Variants in TP63 observed in about 807,000 individuals in gnomAD.
The protein encoded by TP63 is tumor protein 63.
In TP63, 17 loss-of-function variants were observed where a neutral mutation model predicts 82.8. That is an observed-to-expected ratio of 0.21 (90% CI 0.14 to 0.31). TP63 has a LOEUF of 0.31. TP63 is among the 10% of genes least tolerant of loss of function. The probability of loss-of-function intolerance (pLI) is 1.00; values close to 1 mark genes in which losing one functional copy is unlikely to be tolerated. For missense variants in TP63, 648 were observed against 895.3 expected (o/e 0.72, Z 3.52); for synonymous variants, 330 against 321.7 (o/e 1.03, Z -0.28).
intron 3 of TP63, among the ~76,000 whole-genome samples, chr3:189,742,901 T>C (rs1217423992): frequency 1.3e-5 from 2 of 152,212 alleles, no homozygotes; most frequent in African/African-American, 4.8e-5. Flanking sequence ...GTAATTTTTT[T>C]ATTTAGGCCT....
At chr3:189,865,156 G>A (rs576449134) in intron 5 of TP63, among the ~76,000 whole-genome samples, 1 of 152,196 alleles carries the variant, frequency 6.6e-6, no homozygotes, top group East Asian at 1.9e-4. Flanking sequence ...GGAAGGGTAA[G>A]AGAAAGGAGC....
chr3:189,831,807 G>A (rs1018627312), intron 4 of TP63, among the ~76,000 whole-genome samples: 1 of 142,828 alleles, frequency 7.0e-6, no homozygotes, highest in African/African-American at 2.6e-5. Context: ...TGCCATGAAA[G>A]CTATTATGCT....
At chr3:189,865,793 C>T (rs1014892488) in intron 5 of TP63, among the ~76,000 whole-genome samples, 1 of 152,192 alleles carries the variant, frequency 6.6e-6, no homozygotes, top group Non-Finnish European at 1.5e-5. Flanking sequence ...AAGAATATTG[C>T]AATATAGATA....
chr3:189,682,552 AAATATAT>A (rs1409519426), intron 1 of TP63, among the ~76,000 whole-genome samples: 2 of 24,044 alleles, frequency 8.3e-5, no homozygotes, highest in African/African-American at 4.5e-4. Flanking sequence ...AAAAAAAAAA[AAATATAT>A]ATATATATAT....
At position 189,836,883 on chromosome 3, in the gene TP63, G is replaced by T. The variant is rs376823259; in HGVS notation, c.580-27349G>T. 5.9e-5 allele frequency among the ~76,000 whole-genome samples: 9 copies of T among 152,242 alleles called. No homozygotes were observed. The South Asian group carries it at 1.0e-3, about 18-fold the overall frequency. ...GCTAATAATAATCCCTTTCTGTTTG[G>T]AAAATGTCTTATATTTTTCAAAACA... On this transcript the variant is annotated intron_variant, in intron 4 of 13. Coordinates refer to ENST00000264731, the MANE Select transcript of TP63 (RefSeq NM_003722.5).
chr3:189,637,427 A>G (rs750254378), intron 1 of TP63, among the ~76,000 whole-genome samples: 2 of 152,080 alleles, frequency 1.3e-5, no homozygotes, highest in African/African-American at 2.4e-5. Flanking sequence ...CTTTATATCA[A>G]CTTTCGGAAG....
the TP63 span, among the ~76,000 whole-genome samples, chr3:189,601,960 T>C: frequency 6.6e-6 from 1 of 152,158 alleles, no homozygotes; most frequent in African/African-American, 2.4e-5. Context: ...GCTATCTTGA[T>C]GGAAATTTAA....
rs1715741855 is a variant in TP63, at chr3:189,679,673, T to G, written c.62+48096T>G. Among the ~76,000 whole-genome samples, 3 of 152,156 alleles carry G rather than the reference T, an allele frequency of 2.0e-5. No homozygotes were observed. In the South Asian group the frequency reaches 6.2e-4, roughly 31 times the overall value. ...TGTCTACTCTGGCTTTTGTTGCCTT[T>G]GCTTTTGGTGTCACATTCAAAAAAT... On this transcript the variant is annotated intron_variant, in intron 1 of 13. Transcript: ENST00000264731.
chr3:189,662,283 CA>C (rs1310530332), intron 1 of TP63, among the ~76,000 whole-genome samples: 1 of 151,814 alleles, frequency 6.6e-6, no homozygotes, highest in Non-Finnish European at 1.5e-5. Context: ...TTATTTATTT[CA>C]AAAAAACTTT....
At chr3:189,686,486 A>G (rs1022422156) in intron 1 of TP63, among the ~76,000 whole-genome samples, 4 of 152,112 alleles carry the variant, frequency 2.6e-5, no homozygotes, top group Non-Finnish European at 4.4e-5. Context: ...TTGGCTTTCA[A>G]AAAGTGAATG....
intron 1 of TP63, among the ~76,000 whole-genome samples, chr3:189,711,870 A>T (rs1463494438): frequency 6.6e-6 from 1 of 152,116 alleles, no homozygotes; most frequent in African/African-American, 2.4e-5. Context: ...TAAGGCGGAG[A>T]TAGGTAGGCT....
intron 3 of TP63, among the ~76,000 whole-genome samples, chr3:189,804,924 T>C (rs1726726336): frequency 6.6e-6 from 1 of 152,230 alleles, no homozygotes; most frequent in East Asian, 1.9e-4. Flanking sequence ...TAGGCTGATT[T>C]CTCATCAATC....
At chr3:189,676,541 A>G (rs550305582) in intron 1 of TP63, among the ~76,000 whole-genome samples, 5 of 152,062 alleles carry the variant, frequency 3.3e-5, no homozygotes, top group African/African-American at 1.2e-4. Context: ...TATAGAATAT[A>G]TCGTGTGTGT....
At chr3:189,768,876 T>C (rs1047989349) in intron 3 of TP63, among the ~76,000 whole-genome samples, 25 of 152,122 alleles carry the variant, frequency 1.6e-4, no homozygotes, top group African/African-American at 6.0e-4. Context: ...GTAAATGACA[T>C]TTACAAGAAG....
the TP63 span, among the ~76,000 whole-genome samples, chr3:189,613,978 G>A: frequency 1.3e-5 from 2 of 152,134 alleles, no homozygotes; most frequent in Non-Finnish European, 2.9e-5. Context: ...AGGCAGAAGG[G>A]GCTTGCCTTG....
At chr3:189,861,776 A>ATGG in intron 4 of TP63, among the ~76,000 whole-genome samples, 1 of 152,212 alleles carries the variant, frequency 6.6e-6, no homozygotes, top group East Asian at 1.9e-4. Flanking sequence ...AAAAAGGTAA[A>ATGG]CATTTGCATG....
At chr3:189,709,972 G>C (rs540164172) in intron 1 of TP63, among the ~76,000 whole-genome samples, 2 of 152,050 alleles carry the variant, frequency 1.3e-5, no homozygotes, top group African/African-American at 4.8e-5. Context: ...TAAATGCTTT[G>C]AGTTATTTAA....
intron 3 of TP63, among the ~76,000 whole-genome samples, chr3:189,787,212 A>G (rs1039337142): frequency 6.6e-6 from 1 of 152,098 alleles, no homozygotes; most frequent in African/African-American, 2.4e-5. Context: ...TCACTTGTAC[A>G]ATATGAAGAT....
chr3:189,795,437 G>A (rs990446206), intron 3 of TP63, among the ~76,000 whole-genome samples: 2 of 151,908 alleles, frequency 1.3e-5, no homozygotes, highest in East Asian at 1.9e-4. Context: ...CCCAAGTTTT[G>A]AAAGAGTGAA....
Sources: gnomAD v4.1 joint callset for allele counts (sites outside exome capture counted in the v4.1 genomes callset) on GRCh38, gnomAD v4.1.1 for gene constraint, MANE v1.5 for transcripts, NCBI Gene and HGNC (gene_info 2026-07-23, HGNC 2026-07-21) for gene names.